The following ACTR3C variants were observed in gnomAD, a reference collection of about 807,000 sequenced individuals.
The protein encoded by ACTR3C is actin related protein 3C, also known as actin-related protein 3C.
In ACTR3C, 18 loss-of-function variants were observed where a neutral mutation model predicts 26.3. The ratio of observed to expected loss-of-function variants is 0.68; its 90% CI spans 0.47 to 1.01. The LOEUF is 1.01. Among genes scored for constraint, ACTR3C ranks in the 50% least tolerant of loss-of-function variants. The pLI, the probability that ACTR3C is intolerant of heterozygous loss-of-function variation, is 0.00. For missense variants in ACTR3C, 184 were observed against 250.7 expected (o/e 0.73, Z 1.80); for synonymous variants, 55 against 94.5 (o/e 0.58, Z 2.42).
chr7:150,228,242 G>C, the ACTR3C span, among the ~76,000 whole-genome samples: 1 of 152,126 alleles, frequency 6.6e-6, no homozygotes, highest in Non-Finnish European at 1.5e-5. Context: ...TGTATGCCTA[G>C]TTATTTTATT....
chr7:150,108,566 G>C, the ACTR3C span, among the ~76,000 whole-genome samples: 1 of 149,306 alleles, frequency 6.7e-6, no homozygotes, highest in East Asian at 1.9e-4. Context: ...CAGTGTTTGG[G>C]GGGTGGGGCC....
chr7:150,172,980 G>C, the ACTR3C span, among the ~76,000 whole-genome samples: 1 of 148,740 alleles, frequency 6.7e-6, no homozygotes, highest in Admixed American at 6.6e-5. Flanking sequence ...CGCTTGGCAG[G>C]GTACAGCCTC....
the ACTR3C span, among the ~76,000 whole-genome samples, chr7:150,210,946 G>C: frequency 6.7e-6 from 1 of 148,348 alleles, no homozygotes; most frequent in Admixed American, 6.6e-5. Context: ...TCTTTTTCAA[G>C]AACAAAAGAG....
chr7:149,929,155 C>T, the ACTR3C span, among the ~76,000 whole-genome samples: 2 of 152,154 alleles, frequency 1.3e-5, no homozygotes, highest in African/African-American at 4.8e-5. Context: ...GGACCAGGCA[C>T]AGTGGCTCAC....
the ACTR3C span, among the ~76,000 whole-genome samples, chr7:150,157,708 G>C: frequency 4.9e-3 from 750 of 152,352 alleles, 6 homozygotes; most frequent in African/African-American, 0.017. Flanking sequence ...CATAGACGAA[G>C]AGTAGAATGG....
chr7:150,145,350 T>A, the ACTR3C span, among the ~76,000 whole-genome samples: 2 of 152,116 alleles, frequency 1.3e-5, no homozygotes, highest in Non-Finnish European at 2.9e-5. Context: ...AGCAGCAGAA[T>A]TTGACTGAAT....
At chr7:150,309,486 G>A (rs1399025043) in intron 1 of ACTR3C, among the ~76,000 whole-genome samples, 3 of 152,286 alleles carry the variant, frequency 2.0e-5, no homozygotes, top group African/African-American at 4.8e-5. Context: ...GCAGCCAAGC[G>A]GCAACGCATT....
chr7:150,292,980 T>A (rs1264661304), intron 3 of ACTR3C, among the ~76,000 whole-genome samples: 1 of 152,228 alleles, frequency 6.6e-6, no homozygotes, highest in Non-Finnish European at 1.5e-5. Context: ...TTCTTGTTGA[T>A]GTTACACCCA....
chr7:150,037,571 A>G, the ACTR3C span, among the ~76,000 whole-genome samples: 2,036 of 12,192 alleles, frequency 0.17, 110 homozygotes, highest in Middle Eastern at 0.36. Flanking sequence ...GGTCCTAAGA[A>G]CCCGGGGGGG....
the ACTR3C span, among the ~76,000 whole-genome samples, chr7:150,221,118 G>T: frequency 6.6e-6 from 1 of 152,390 alleles, no homozygotes; most frequent in Non-Finnish European, 1.5e-5. Flanking sequence ...GGATGCGAGC[G>T]CTCTGTCAGT....
At position 150,299,480 on chromosome 7, in the gene ACTR3C, A is replaced by C. The variant is rs61195149; in HGVS notation, c.-51-4133T>G. 9.5e-4 allele frequency among the ~76,000 whole-genome samples: 141 copies of C among 147,790 alleles called. 2 individuals carry two copies. The highest frequency in any genetic ancestry group is 3.3e-3 in the African/African-American group (130 of 39,790). ...ACCCCCTCTCAAAAAAAAAAAAAAA[A>C]AAAAAAAAAAAAAACAAAAAACAGG... On this transcript the variant is annotated intron_variant, in intron 1 of 7. Transcript: ENST00000683684.
At chr7:150,019,191 G>A in the ACTR3C span, among the ~76,000 whole-genome samples, 52,327 of 149,616 alleles carry the variant, frequency 0.35, 10,411 homozygotes, top group East Asian at 0.44. Context: ...TTTACAGAGA[G>A]TTGAGATCAT....
chr7:150,199,725 C>CAAAAA, the ACTR3C span, among the ~76,000 whole-genome samples: 67 of 86,064 alleles, frequency 7.8e-4, 1 homozygote, highest in African/African-American at 2.5e-3. Flanking sequence ...ATATTTTTAT[C>CAAAAA]AAAAAAAAAA....
the ACTR3C span, among the ~76,000 whole-genome samples, chr7:150,016,156 G>A: frequency 3.3e-4 from 50 of 152,186 alleles, no homozygotes; most frequent in Non-Finnish European, 5.3e-4. Context: ...CCAGCATACT[G>A]GCTCATTCGG....
chr7:150,042,403 C>G, the ACTR3C span, among the ~76,000 whole-genome samples: 1 of 147,184 alleles, frequency 6.8e-6, no homozygotes, highest in Admixed American at 6.7e-5. Context: ...GGGGCTCGCT[C>G]TCAGTCCCCG....
At chr7:150,069,010 A>G in the ACTR3C span, among the ~76,000 whole-genome samples, 3 of 152,186 alleles carry the variant, frequency 2.0e-5, no homozygotes, top group Non-Finnish European at 4.4e-5. Flanking sequence ...GAATCCCCAG[A>G]GACTGACCAG....
intron 1 of ACTR3C, among the ~76,000 whole-genome samples, chr7:150,307,763 G>A (rs1453963062): frequency 6.6e-6 from 1 of 152,136 alleles, no homozygotes; most frequent in Non-Finnish European, 1.5e-5. Flanking sequence ...CTGTCCTCCT[G>A]CTCTTTGCTC....
chr7:150,071,074 G>T, the ACTR3C span, among the ~76,000 whole-genome samples: 1 of 150,624 alleles, frequency 6.6e-6, no homozygotes, highest in African/African-American at 2.4e-5. Flanking sequence ...GATTACAGGC[G>T]TGAGCCACCA....
At chr7:150,212,165 G>C in the ACTR3C span, among the ~76,000 whole-genome samples, 38 of 146,208 alleles carry the variant, frequency 2.6e-4, no homozygotes, top group African/African-American at 1.0e-3. Flanking sequence ...TGCTGAGACT[G>C]TAATAAAAAT....
Sources: allele counts gnomAD v4.1 joint callset (sites outside exome capture counted in the v4.1 genomes callset), GRCh38; gene constraint gnomAD v4.1.1; transcripts MANE v1.5; gene names NCBI Gene and HGNC (gene_info 2026-07-23, HGNC 2026-07-21).